ITPR3: variants seen among roughly 807,000 people sequenced by gnomAD.
ITPR3 encodes the protein inositol 1,4,5-trisphosphate receptor type 3, also known as inositol 1,4,5-trisphosphate-gated calcium channel ITPR3.
Under a neutral mutation model 293.2 loss-of-function variants are expected in ITPR3, and 173 were observed. The observed-to-expected ratio is 0.59, with a 90% CI of 0.52 to 0.67. The LOEUF is 0.67. ITPR3 is among the 30% of genes least tolerant of loss of function. The probability of loss-of-function intolerance (pLI) is 0.00; values close to 1 mark genes in which losing one functional copy is unlikely to be tolerated. For synonymous variants in ITPR3, 1,295 were observed against 1,444.4 expected, an observed-to-expected ratio of 0.90 and a Z score of 2.35; for missense variants, 2,796 against 3,592.1, an observed-to-expected ratio of 0.78 and a Z score of 5.66.
At position 33,621,709 on chromosome 6, in the gene ITPR3, G is replaced by A; in HGVS notation, c.89+18G>A. On this transcript the variant is annotated intron_variant, in intron 1 of 57. Coordinates refer to ENST00000605930, the MANE Select transcript of ITPR3 (RefSeq NM_002224.4). This position sits in a 1 kb window ranked among gnomAD's most constrained non-coding sequence, Gnocchi z 7.7. ...ACTTTGGGGTGAGTGAGCCGAGCTC[G>A]AGAGGGGCGCGGGTAAAGAGGGGGC... 1 of 1,582,978 alleles carries A rather than the reference G, an allele frequency of 6.3e-7. No homozygotes were observed. The highest frequency in any genetic ancestry group is 1.1e-5 in the South Asian group (1 of 87,558).
In ITPR3 at chr6:33,691,390, A is replaced by G. The variant is rs1445674349; in HGVS notation, c.7226-225A>G. On this transcript the variant is annotated intron_variant, in intron 52 of 57. Coordinates refer to ENST00000605930, the MANE Select transcript of ITPR3 (RefSeq NM_002224.4). The surrounding 1 kb of genome is among the most constrained non-coding windows in gnomAD (Gnocchi z 4.9). ...TTCATGTTAAACCCAGTATTTGCAG[A>G]AACTGCCCGTGTGCCAGGCCTAGGG... 1.3e-5 allele frequency among the ~76,000 whole-genome samples: 2 copies of G among 152,166 alleles called. No homozygotes were observed. The highest frequency in any genetic ancestry group is 2.9e-5 in the Non-Finnish European group (2 of 68,022).
chr6:33,650,286 C>T (rs554088559), intron 2 of ITPR3, among the ~76,000 whole-genome samples: 63 of 152,078 alleles, frequency 4.1e-4, no homozygotes, highest in African/African-American at 1.3e-3. Context: ...CGACGGGCCC[C>T]GAGTCTACCC....
At position 33,689,335 on chromosome 6, in the gene ITPR3, C is replaced by T; in HGVS notation, c.6792C>T (p.Leu2264=). ...LFTKRYSIRP[L]IVALILRSIY... ...CCAAGCGCTACAGCATCCGCCCCCTCATCGTGGCGCTCATCCTGCGCTCCA... is the reference window on the plus strand; with the variant it reads ...CCAAGCGCTACAGCATCCGCCCCCTTATCGTGGCGCTCATCCTGCGCTCCA... The change falls in exon 50 of 58, where the codon CTC becomes CTT. Residue 2264 remains leucine (L), a synonymous_variant. Transcript: ENST00000605930. 1.2e-6 allele frequency: 2 copies of T among 1,612,816 alleles called. No individual in the cohort carries two copies. The highest frequency in any genetic ancestry group is 1.7e-6 in the Non-Finnish European group (2 of 1,180,028).
intron 1 of ITPR3, among the ~76,000 whole-genome samples, chr6:33,634,887 A>T (rs1033341049): frequency 3.9e-5 from 6 of 152,046 alleles, no homozygotes; most frequent in African/African-American, 1.4e-4. Context: ...TTTTCCTCAG[A>T]CAGGGACCCT....
chr6:33,652,087 G>A (rs1348249107), intron 2 of ITPR3, among the ~76,000 whole-genome samples: 1 of 152,106 alleles, frequency 6.6e-6, no homozygotes, highest in African/African-American at 2.4e-5. Flanking sequence ...AGCCCTTCCG[G>A]TCTCAGCTCA....
rs116312507 is a variant in ITPR3, at chr6:33,635,298, T to C, written c.90-5186T>C. On this transcript the variant is annotated intron_variant, in intron 1 of 57. Transcript: ENST00000605930. Reference sequence around the variant, plus strand: ...CGGCTCTGATACATATTCTTTATATTATTTATCTTCTGAGTATGTGATTTG... The same window carrying C: ...CGGCTCTGATACATATTCTTTATATCATTTATCTTCTGAGTATGTGATTTG... Among the ~76,000 whole-genome samples, 1,491 of 152,300 alleles carry C rather than the reference T, an allele frequency of 9.8e-3. 16 individuals are homozygous for C. Among genetic ancestry groups the C allele is most frequent in the African/African-American group, 0.025 (1,041 of 41,558 alleles).
At chr6:33,649,102 A>G (rs1202028896) in intron 2 of ITPR3, among the ~76,000 whole-genome samples, 1 of 151,702 alleles carries the variant, frequency 6.6e-6, no homozygotes, top group East Asian at 1.9e-4. Flanking sequence ...ACCGGGTTTC[A>G]CCATCTTGGC....
At chr6:33,650,183 A>G (rs2127249434) in intron 2 of ITPR3, among the ~76,000 whole-genome samples, 1 of 152,268 alleles carries the variant, frequency 6.6e-6, no homozygotes, top group East Asian at 1.9e-4. Flanking sequence ...CCTGTGGTTT[A>G]GTGACAGGGA....
chr6:33,677,415 G>T (rs142448269), intron 27 of ITPR3, 89 bp from the exon 28 acceptor site: 1 of 1,559,786 alleles, frequency 6.4e-7, no homozygotes, highest in Non-Finnish European at 8.7e-7. Flanking sequence ...CCTGTCCCGG[G>T]TGCCAGCTGG....
intron 57 of ITPR3, 161 bp downstream of exon 57, chr6:33,695,246 C>T (rs1765510681): frequency 1.3e-6 from 1 of 767,942 alleles, no homozygotes; most frequent in African/African-American, 1.8e-5. Context: ...CATGGCAAGT[C>T]AGACTGGGGT....
intron 1 of ITPR3, among the ~76,000 whole-genome samples, chr6:33,623,676 G>T (rs1238673069): frequency 6.6e-6 from 1 of 152,114 alleles, no homozygotes; most frequent in African/African-American, 2.4e-5. Context: ...CCCTGCCCTT[G>T]TGCAGGCCTC....
intron 1 of ITPR3, among the ~76,000 whole-genome samples, chr6:33,637,814 T>TTTG (rs1554134744): frequency 1.1e-5 from 1 of 93,838 alleles, no homozygotes; most frequent in African/African-American, 3.6e-5. Context: ...TCTTTCTTTC[T>TTTG]TTTTTTTTTT....
Position 33,667,793 on chromosome 6 carries a change from A to G in ITPR3, c.1715A>G (p.Glu572Gly). The change falls in exon 16 of 58, where the codon GAG becomes GGG. Residue 572 changes from glutamate (E) to glycine (G), a missense_variant and splice_region_variant. Physicochemically the swap from Glu to Gly is moderately conservative, Grantham distance 98. Coordinates refer to ENST00000605930, the MANE Select transcript of ITPR3 (RefSeq NM_002224.4). The surrounding 1 kb of genome is among the most constrained non-coding windows in gnomAD (Gnocchi z 4.4). ...CCCCCAGCCTGTCTGCCCCCCCAGG[A>G]GCACATTGCCAAGCAGTTTGGGATG... ...HSQEDYRKNQ[E>G]HIAKQFGMMQ... 1 of 1,613,720 alleles carries G rather than the reference A, an allele frequency of 6.2e-7. No homozygotes were observed. The highest frequency in any genetic ancestry group is 2.2e-5 in the East Asian group (1 of 44,852).
At chr6:33,639,740 AGATGGAT>A (rs1221695462) in intron 1 of ITPR3, among the ~76,000 whole-genome samples, 1 of 151,650 alleles carries the variant, frequency 6.6e-6, no homozygotes, top group Non-Finnish European at 1.5e-5. Flanking sequence ...GTGGATGAAT[AGATGGAT>A]GATTGGGGGC....
At chr6:33,656,645 T>A (rs1764313081) in intron 3 of ITPR3, among the ~76,000 whole-genome samples, 1 of 152,076 alleles carries the variant, frequency 6.6e-6, no homozygotes, top group African/African-American at 2.4e-5. Context: ...GAGCCCCTTG[T>A]GGGCAGTGGC....
intron 1 of ITPR3, among the ~76,000 whole-genome samples, chr6:33,631,632 G>A (rs1756043741): frequency 6.6e-6 from 1 of 152,190 alleles, no homozygotes; most frequent in Admixed American, 6.5e-5. Context: ...GCACCACAGG[G>A]AAGGGTTTAA....
At chr6:33,656,154 TA>T (rs961567039) in intron 3 of ITPR3, among the ~76,000 whole-genome samples, 1 of 151,822 alleles carries the variant, frequency 6.6e-6, no homozygotes, top group Non-Finnish European at 1.5e-5. Flanking sequence ...AAAATAAAAA[TA>T]AAAAAATAAA....
At position 33,688,227 on chromosome 6, in the gene ITPR3, G is replaced by A; in HGVS notation, c.6376-12G>A. On this transcript the variant is annotated splice_polypyrimidine_tract_variant and intron_variant, in intron 47 of 57. Transcript: ENST00000605930. ...CCTGCGCCGGGCGTGACCATGTGCTGTGTGTGCTCAGATTGTGCGGCAGGA... is the reference window on the plus strand; with the variant it reads ...CCTGCGCCGGGCGTGACCATGTGCTATGTGTGCTCAGATTGTGCGGCAGGA... The A allele has an allele frequency of 6.2e-7, 1 of 1,614,174 alleles. No individual in the cohort carries two copies. Among genetic ancestry groups the A allele is most frequent in the East Asian group, 2.2e-5 (1 of 44,882 alleles).
In ITPR3 at chr6:33,691,901, C is replaced by T. The variant is rs1390483188; in HGVS notation, c.7431C>T (p.Gly2477=). ...NHGLRNGGGV[G]DILRKPSKDE... is the part of the protein sequence containing the mutation. ...GGCTACGCAACGGTGGTGGCGTGGGCGACATTCTCCGCAAGCCCTCCAAAG... is the reference window on the plus strand; with the variant it reads ...GGCTACGCAACGGTGGTGGCGTGGGTGACATTCTCCGCAAGCCCTCCAAAG... The change falls in exon 54 of 58, where the codon GGC becomes GGT. Residue 2477 remains glycine (G), a synonymous_variant. Coordinates refer to ENST00000605930, the MANE Select transcript of ITPR3 (RefSeq NM_002224.4). The surrounding 1 kb of genome is among the most constrained non-coding windows in gnomAD (Gnocchi z 4.9). 7.4e-6 allele frequency: 12 copies of T among 1,613,932 alleles called. No homozygotes were observed. Among genetic ancestry groups the T allele is most frequent in the East Asian group, 4.5e-5 (2 of 44,896 alleles).
Sources: allele counts gnomAD v4.1 joint callset (sites outside exome capture counted in the v4.1 genomes callset), GRCh38; gene constraint gnomAD v4.1.1; non-coding constraint Gnocchi (gnomAD v3.1); transcripts MANE v1.5; gene names NCBI Gene and HGNC (gene_info 2026-07-23, HGNC 2026-07-21).